ARMC3: variants seen among roughly 807,000 people sequenced by gnomAD.
ARMC3 encodes the protein armadillo repeat-containing protein 3.
Under a neutral mutation model 90.3 loss-of-function variants are expected in ARMC3, and 74 were observed. That is an observed-to-expected ratio of 0.82 (90% CI 0.68 to 0.99). The LOEUF (loss-of-function observed/expected upper bound fraction) is 0.99. Ranked by LOEUF, ARMC3 falls within the 50% of genes least tolerant of loss-of-function variation. The pLI, the probability that ARMC3 is intolerant of heterozygous loss-of-function variation, is 0.00. For synonymous variants in ARMC3, 334 were observed against 361.8 expected (o/e 0.92, Z 0.87); for missense variants, 958 against 1,042.8 (o/e 0.92, Z 1.12).
At chr10:22,996,374 G>A (rs934496866) in intron 10 of ARMC3, among the ~76,000 whole-genome samples, 20 of 152,084 alleles carry the variant, frequency 1.3e-4, no homozygotes, top group African/African-American at 4.3e-4. Context: ...GCTGACCCTC[G>A]GGCTATTATA....
At chr10:22,959,359 A>G (rs1835094659) in intron 5 of ARMC3, 40 bp from the exon 6 acceptor site, 1 of 1,544,566 alleles carries the variant, frequency 6.5e-7, no homozygotes, top group African/African-American at 1.4e-5. Context: ...CTGAATAATA[A>G]GCAGTTGGCA....
chr10:22,986,927 A>G (rs537323326), intron 10 of ARMC3, among the ~76,000 whole-genome samples: 19 of 152,358 alleles, frequency 1.2e-4, no homozygotes, highest in Admixed American at 1.2e-3. Flanking sequence ...AGATTCACTT[A>G]TTAGCAGTGA....
At chr10:22,935,491 A>G (rs1834073527) in intron 2 of ARMC3, among the ~76,000 whole-genome samples, 3 of 152,208 alleles carry the variant, frequency 2.0e-5, no homozygotes, top group South Asian at 4.1e-4. Flanking sequence ...AGACATAAAA[A>G]TATTCTAGAA....
intron 16 of ARMC3, among the ~76,000 whole-genome samples, chr10:23,028,401 C>T (rs1838802419): frequency 6.6e-6 from 1 of 152,076 alleles, no homozygotes; most frequent in South Asian, 2.1e-4. Context: ...CTTCTTGAAG[C>T]ATTTTTAAAG....
intron 18 of ARMC3, among the ~76,000 whole-genome samples, chr10:23,033,626 C>A (rs916088676): frequency 6.6e-6 from 1 of 152,122 alleles, no homozygotes; most frequent in South Asian, 2.1e-4. Context: ...TAAGTTTGGG[C>A]ATTATTTTAT....
intron 10 of ARMC3, among the ~76,000 whole-genome samples, chr10:22,994,494 T>C (rs983617765): frequency 2.0e-5 from 3 of 152,112 alleles, no homozygotes; most frequent in Non-Finnish European, 4.4e-5. Context: ...GGCCAGAAGT[T>C]TGGGACTAGC....
chr10:23,031,443 G>A (rs1016470028), intron 17 of ARMC3, among the ~76,000 whole-genome samples: 2 of 152,078 alleles, frequency 1.3e-5, no homozygotes, highest in African/African-American at 4.8e-5. Context: ...CACTCAGTAG[G>A]TAAGCTGCTG....
At chr10:22,996,083 A>C (rs1414962548) in intron 10 of ARMC3, among the ~76,000 whole-genome samples, 1 of 152,194 alleles carries the variant, frequency 6.6e-6, no homozygotes, top group African/African-American at 2.4e-5. Flanking sequence ...TACCTCAAAA[A>C]TAAGTCAAAG....
chr10:23,002,594 TTTC>T (rs1837357585), intron 12 of ARMC3, among the ~76,000 whole-genome samples: 4 of 151,050 alleles, frequency 2.6e-5, no homozygotes, highest in Non-Finnish European at 5.9e-5. Context: ...TTTTCTTTCT[TTTC>T]TTTTTTTCTT....
intron 3 of ARMC3, among the ~76,000 whole-genome samples, chr10:22,954,542 G>A (rs1016792746): frequency 6.6e-6 from 1 of 151,496 alleles, no homozygotes; most frequent in Non-Finnish European, 1.5e-5. Context: ...CATGTTGGTG[G>A]TTGCCTATAG....
intron 11 of ARMC3, among the ~76,000 whole-genome samples, chr10:23,000,632 C>T (rs974109933): frequency 6.6e-6 from 1 of 152,174 alleles, no homozygotes; most frequent in Non-Finnish European, 1.5e-5. Context: ...GCCTAAAGGA[C>T]ATGTGGTGTT....
chr10:23,018,002 C>T (rs776122769), intron 16 of ARMC3, among the ~76,000 whole-genome samples: 14 of 152,172 alleles, frequency 9.2e-5, no homozygotes, highest in African/African-American at 1.4e-4. Flanking sequence ...GCTAATGTCA[C>T]GGAGAGCAGT....
chr10:22,971,922 T>G (rs891608441), intron 8 of ARMC3, among the ~76,000 whole-genome samples: 2 of 152,192 alleles, frequency 1.3e-5, no homozygotes, highest in Non-Finnish European at 2.9e-5. Context: ...ATTGTACTTT[T>G]TATTTGCATG....
At chr10:22,928,253 AG>A (rs1325793772) in intron 1 of ARMC3, 147 bp downstream of exon 1, 1 of 152,282 alleles carries the variant, frequency 6.6e-6, no homozygotes, top group Non-Finnish European at 1.5e-5. Context: ...TCGCGCCCGC[AG>A]GGTTAGACGG....
intron 11 of ARMC3, among the ~76,000 whole-genome samples, chr10:23,001,172 C>T (rs1588899763): frequency 6.6e-6 from 1 of 152,140 alleles, no homozygotes; most frequent in African/African-American, 2.4e-5. Flanking sequence ...TCGGTTCATC[C>T]AGCCTCAATC....
intron 13 of ARMC3, 129 bp downstream of exon 13, chr10:23,003,543 T>A: frequency 2.5e-6 from 2 of 816,048 alleles, no homozygotes; most frequent in Non-Finnish European, 3.6e-6. Context: ...AACTTGAAAA[T>A]CAGCACTTCA....
chr10:22,999,455 T>C (rs1279565957), intron 11 of ARMC3, among the ~76,000 whole-genome samples: 1 of 152,210 alleles, frequency 6.6e-6, no homozygotes, highest in Non-Finnish European at 1.5e-5. Context: ...CTTTTATTTT[T>C]CTCAGTTTTC....
At chr10:22,937,930 T>C (rs1407939470) in intron 2 of ARMC3, among the ~76,000 whole-genome samples, 1 of 152,142 alleles carries the variant, frequency 6.6e-6, no homozygotes, top group Admixed American at 6.5e-5. Flanking sequence ...GCCTACCATA[T>C]GCAAGCATTC....
At chr10:22,991,432 G>GT (rs551626751) in intron 10 of ARMC3, among the ~76,000 whole-genome samples, 34 of 150,716 alleles carry the variant, frequency 2.3e-4, no homozygotes, top group Middle Eastern at 3.4e-3. Context: ...TTGACTGTAG[G>GT]TTTTTTTTTG....
Sources: gnomAD v4.1 joint callset for allele counts (sites outside exome capture counted in the v4.1 genomes callset) on GRCh38, gnomAD v4.1.1 for gene constraint, MANE v1.5 for transcripts, NCBI Gene and HGNC (gene_info 2026-07-23, HGNC 2026-07-21) for gene names.